The following CA10 variants were observed in gnomAD, a reference collection of about 807,000 sequenced individuals.
CA10 encodes the protein carbonic anhydrase 10 (inactive).
A neutral mutation model predicts 44.2 loss-of-function variants in CA10; 14 were observed. The observed-to-expected ratio is 0.32, with a 90% confidence interval of 0.21 to 0.50. The LOEUF is 0.50. Ranked by LOEUF, CA10 falls within the 20% of genes least tolerant of loss-of-function variation. CA10 has a pLI of 0.99. For missense variants in CA10, 350 were observed against 409.7 expected (o/e 0.85, Z 1.26); for synonymous variants, 159 against 141.6 (o/e 1.12, Z -0.87).
intron 2 of CA10, among the ~76,000 whole-genome samples, chr17:51,932,648 A>T (rs1218488864): frequency 6.6e-6 from 1 of 152,126 alleles, no homozygotes; most frequent in African/African-American, 2.4e-5. Context: ...TTAGTCATTA[A>T]TGACTTTCAA....
chr17:51,754,445 A>ATATC (rs1905017101), intron 3 of CA10, among the ~76,000 whole-genome samples: 1 of 116,312 alleles, frequency 8.6e-6, no homozygotes, highest in African/African-American at 3.2e-5. Context: ...ATATATATAT[A>ATATC]TATCACGTAA....
chr17:52,130,459 A>C (rs997814427), intron 1 of CA10, among the ~76,000 whole-genome samples: 2 of 152,214 alleles, frequency 1.3e-5, no homozygotes, highest in Non-Finnish European at 2.9e-5. Context: ...CAAATAGAAT[A>C]CTATCCAGCC....
chr17:52,061,587 A>G (rs1987386926), intron 2 of CA10, among the ~76,000 whole-genome samples: 1 of 152,186 alleles, frequency 6.6e-6, no homozygotes, highest in African/African-American at 2.4e-5. Flanking sequence ...TGATTGGATC[A>G]TGGGGGCAGT....
intron 3 of CA10, among the ~76,000 whole-genome samples, chr17:51,792,534 T>C (rs907443205): frequency 4.6e-5 from 7 of 152,232 alleles, no homozygotes; most frequent in Non-Finnish European, 7.3e-5. Flanking sequence ...TTAAGCTTCA[T>C]GTAGAAGCCT....
chr17:51,854,463 T>C (rs1978946670), intron 3 of CA10, among the ~76,000 whole-genome samples: 1 of 152,332 alleles, frequency 6.6e-6, no homozygotes, highest in African/African-American at 2.4e-5. Flanking sequence ...CTTGACTCTA[T>C]TACTAGTGGC....
intron 2 of CA10, among the ~76,000 whole-genome samples, chr17:51,953,964 T>A (rs1311030905): frequency 6.6e-6 from 1 of 152,194 alleles, no homozygotes; most frequent in East Asian, 1.9e-4. Context: ...CCAATTTTAA[T>A]AGTGATAAGT....
intron 2 of CA10, among the ~76,000 whole-genome samples, chr17:52,021,989 G>A (rs1986156101): frequency 6.6e-6 from 1 of 152,030 alleles, no homozygotes; most frequent in Non-Finnish European, 1.5e-5. Context: ...AAGAAGAGCT[G>A]GTACCAATCC....
intron 3 of CA10, among the ~76,000 whole-genome samples, chr17:51,837,104 A>AC: frequency 6.6e-6 from 1 of 151,612 alleles, no homozygotes. Flanking sequence ...ACACACACAC[A>AC]AACACACATG....
chr17:51,898,953 G>A (rs1309240759), intron 3 of CA10, among the ~76,000 whole-genome samples: 1 of 151,132 alleles, frequency 6.6e-6, no homozygotes, highest in African/African-American at 2.4e-5. Context: ...TTCTTTATTA[G>A]TCTAGCTAGC....
chr17:51,897,308 A>G (rs1981113714), intron 3 of CA10, among the ~76,000 whole-genome samples: 1 of 152,098 alleles, frequency 6.6e-6, no homozygotes, highest in South Asian at 2.1e-4. Flanking sequence ...TTATCCCAAC[A>G]CCATTTATTG....
chr17:52,117,012 G>A (rs754091714), intron 1 of CA10, among the ~76,000 whole-genome samples: 8 of 152,334 alleles, frequency 5.3e-5, no homozygotes, highest in South Asian at 2.1e-4. Context: ...CATGGCTAAA[G>A]TGAACTAATA....
At chr17:51,993,196 A>G (rs1985106371) in intron 2 of CA10, among the ~76,000 whole-genome samples, 3 of 152,092 alleles carry the variant, frequency 2.0e-5, no homozygotes, top group African/African-American at 4.8e-5. Context: ...GAGCTTTTTT[A>G]TGAGGCTCGT....
intron 3 of CA10, among the ~76,000 whole-genome samples, chr17:51,852,828 T>G (rs1274783409): frequency 6.6e-6 from 1 of 152,222 alleles, no homozygotes; most frequent in Non-Finnish European, 1.5e-5. Flanking sequence ...TGCCACAAAG[T>G]AAACAATTAA....
chr17:51,964,611 G>GC (rs1409211593), intron 2 of CA10, among the ~76,000 whole-genome samples: 1 of 151,210 alleles, frequency 6.6e-6, no homozygotes, highest in African/African-American at 2.4e-5. Flanking sequence ...AAAATCCCCT[G>GC]CCCCCAACAG....
intron 2 of CA10, among the ~76,000 whole-genome samples, chr17:51,941,877 A>ATATG (rs915733636): frequency 2.0e-5 from 3 of 152,164 alleles, no homozygotes; most frequent in South Asian, 2.1e-4. Context: ...CATGGAATAC[A>ATATG]TATGTATGTA....
At position 52,028,025 on chromosome 17, in the gene CA10, T is replaced by C. The variant is rs187620934; in HGVS notation, c.136+44294A>G. On this transcript the variant is annotated intron_variant, in intron 2 of 8. Coordinates refer to ENST00000451037, the MANE Select transcript of CA10 (RefSeq NM_020178.5). Reference sequence around the variant, plus strand: ...CATCTTGCTGACCATCACTTTATATTGGCTGACCTCTCAGTTTCCTCTCTG... The same window carrying C: ...CATCTTGCTGACCATCACTTTATATCGGCTGACCTCTCAGTTTCCTCTCTG... Among the ~76,000 whole-genome samples, 10 of 152,326 alleles carry C rather than the reference T, an allele frequency of 6.6e-5. No individual in the cohort carries two copies. The East Asian group carries it at 1.9e-3, about 29-fold the overall frequency.
In CA10 at chr17:51,985,790, C is replaced by T. The variant is rs562262112; in HGVS notation, c.137-54658G>A. On this transcript the variant is annotated intron_variant, in intron 2 of 8. Transcript: ENST00000451037. ...AAAAACAAAAATACTTAGGAATATA[C>T]CTAACAAAGGAGGTGAAAGACCTCT... Among the ~76,000 whole-genome samples the T allele has an allele frequency of 1.3e-4, 19 of 151,828 alleles. No homozygotes were observed. The East Asian group carries it at 3.7e-3, about 29-fold the overall frequency.
intron 4 of CA10, among the ~76,000 whole-genome samples, chr17:51,719,996 T>A (rs942854291): frequency 6.6e-6 from 1 of 152,172 alleles, no homozygotes; most frequent in African/African-American, 2.4e-5. Context: ...ATAATAGGCA[T>A]AAAATCTCTG....
At chr17:51,968,819 C>G (rs888678593) in intron 2 of CA10, among the ~76,000 whole-genome samples, 9 of 151,942 alleles carry the variant, frequency 5.9e-5, no homozygotes, top group Non-Finnish European at 8.8e-5. Context: ...TGATGATACT[C>G]ACCAAGTAGT....
Sources: allele counts gnomAD v4.1 joint callset (sites outside exome capture counted in the v4.1 genomes callset), GRCh38; gene constraint gnomAD v4.1.1; transcripts MANE v1.5; gene names NCBI Gene and HGNC (gene_info 2026-07-23, HGNC 2026-07-21).